Variants in PABPN1L observed in about 807,000 individuals in gnomAD.
The protein encoded by PABPN1L is PABPN1 like, cytoplasmic, also known as embryonic polyadenylate-binding protein 2.
Under a neutral mutation model 34.0 loss-of-function variants are expected in PABPN1L, and 45 were observed. The observed-to-expected ratio is 1.32, with a 90% CI of 1.04 to 1.70. The LOEUF (loss-of-function observed/expected upper bound fraction) is 1.70. Among genes scored for constraint, PABPN1L ranks in the 40% most tolerant of loss-of-function variants. PABPN1L has a pLI of 0.00. For synonymous variants in PABPN1L, 182 were observed against 152.1 expected (o/e 1.20, Z -1.45); for missense variants, 459 against 367.8 (o/e 1.25, Z -2.03).
At chr16:88,868,071 G>A (rs1330164566), upstream of PABPN1L, among the ~76,000 whole-genome samples, 1 of 152,192 alleles carries the variant, frequency 6.6e-6, no homozygotes, top group Non-Finnish European at 1.5e-5. Flanking sequence ...CACCCACGCA[G>A]GGCGGCCCTT....
At chr16:88,863,717 T>C (rs1307291339) in exon 7 of PABPN1L, 3 of 1,534,812 alleles carry the variant, frequency 2.0e-6, no homozygotes, top group Non-Finnish European at 1.7e-6. Context: ...TTACTCCTGA[T>C]CCAGGCCCCA....
At chr16:88,864,470 G>A in intron 5 of PABPN1L, 91 bp from the exon 6 acceptor site, 1 of 1,454,846 alleles carries the variant, frequency 6.9e-7, no homozygotes, top group African/African-American at 1.4e-5. Flanking sequence ...GGAGCATGGG[G>A]TCCTGCCCGG....
rs1258093313 is a variant in PABPN1L at position 88,865,708 on chromosome 16, A to C, written c.392-78T>G. 3.2e-6 allele frequency: 5 copies of C among 1,555,284 alleles called. No individual in the cohort carries two copies. In the Admixed American group the frequency reaches 9.2e-5, roughly 29 times the overall value. On this transcript the variant is annotated intron_variant, in intron 2 of 6. Coordinates refer to ENST00000419291, the Ensembl canonical transcript of PABPN1L. ...CTCACGGGGAAGGTCGCCCAGGCTT[A>C]TAGGGGAGGTGACACCTTGGAGCCT...
exon 4 of PABPN1L, chr16:88,865,030 G>A: frequency 6.3e-7 from 1 of 1,599,882 alleles, no homozygotes; most frequent in Non-Finnish European, 8.5e-7. Flanking sequence ...ACCCCTTGGG[G>A]TGTCCAGAGA....
At chr16:88,866,079 G>T in intron 1 of PABPN1L, 138 bp from the exon 2 acceptor site, 1 of 1,366,202 alleles carries the variant, frequency 7.3e-7, no homozygotes, top group Non-Finnish European at 9.7e-7. Flanking sequence ...ACTCCTTCCT[G>T]GGGCAGCTGG....
In PABPN1L at chr16:88,866,333, G is replaced by A. The variant is rs951188453; in HGVS notation, c.255+19C>T. ...CCCCAGGTCCCCTGAGATCCCCAGG[G>A]CCTCCACACAGCTGTTACCTGGTCA... On this transcript the variant is annotated intron_variant, in intron 1 of 6. Transcript: ENST00000419291. 1.3e-6 allele frequency: 2 copies of A among 1,544,820 alleles called. No individual in the cohort carries two copies. The highest frequency in any genetic ancestry group is 1.7e-6 in the Non-Finnish European group (2 of 1,145,196).
intron 5 of PABPN1L, 112 bp downstream of exon 5, chr16:88,864,741 T>C: frequency 8.2e-7 from 1 of 1,212,272 alleles, no homozygotes; most frequent in Non-Finnish European, 1.2e-6. Context: ...CCAAGCACCG[T>C]GCCTGAGACA....
intron 5 of PABPN1L, 133 bp from the exon 6 acceptor site, chr16:88,864,512 C>T: frequency 1.5e-6 from 2 of 1,301,750 alleles, no homozygotes; most frequent in Non-Finnish European, 2.1e-6. Flanking sequence ...ACAGGGTTCC[C>T]TGCCTTTGCC....
chr16:88,865,375 C>T (rs965952233), intron 3 of PABPN1L, among the ~76,000 whole-genome samples, 188 bp downstream of exon 3: 2 of 151,900 alleles, frequency 1.3e-5, no homozygotes, highest in Middle Eastern at 3.4e-3. Context: ...TGTGCAACCC[C>T]GAATTCCAGC....
intron 5 of PABPN1L, 45 bp downstream of exon 5, chr16:88,864,808 G>C (rs746415583): frequency 1.3e-6 from 2 of 1,533,400 alleles, no homozygotes; most frequent in East Asian, 2.4e-5. Context: ...CAGTGGGCCA[G>C]CCCCTCTGCG....
intron 6 of PABPN1L, 40 bp downstream of exon 6, chr16:88,864,197 G>A (rs1968523697): frequency 1.3e-6 from 2 of 1,528,492 alleles, no homozygotes; most frequent in Middle Eastern, 2.1e-4. Flanking sequence ...CCTCCACCAT[G>A]GCCCTCGCCC....
Position 88,865,553 on chromosome 16 carries a change from C to T in PABPN1L, c.459+10G>A. 2 of 1,610,648 alleles carry T rather than the reference C, an allele frequency of 1.2e-6. No individual in the cohort carries two copies. The highest frequency in any genetic ancestry group is 8.5e-7 in the Non-Finnish European group (1 of 1,179,084). On this transcript the variant is annotated intron_variant, in intron 3 of 6. Coordinates refer to ENST00000419291, the Ensembl canonical transcript of PABPN1L. Reference sequence around the variant, plus strand: ...TCGCTGCCTGCCCCTTCACCCCGCCCACCACTCACGTTGCCCACGTAGACG... The same window carrying T: ...TCGCTGCCTGCCCCTTCACCCCGCCTACCACTCACGTTGCCCACGTAGACG...
chr16:88,863,492 A>G, exon 7 of PABPN1L: 3 of 574,498 alleles, frequency 5.2e-6, no homozygotes, highest in Non-Finnish European at 6.3e-6. Context: ...CTCAACACCC[A>G]GAGCCCCGCA....
chr16:88,863,405 A>C, exon 7 of PABPN1L: 1 of 428,776 alleles, frequency 2.3e-6, no homozygotes, highest in South Asian at 2.8e-5. Flanking sequence ...ATTTTTCTTA[A>C]AATGACTTAG....
At chr16:88,867,748 C>T (rs2143021103), upstream of PABPN1L, among the ~76,000 whole-genome samples, 1 of 152,304 alleles carries the variant, frequency 6.6e-6, no homozygotes, top group African/African-American at 2.4e-5. Flanking sequence ...CCGTGTCCGC[C>T]CTTGCGCCTC....
chr16:88,863,721 G>A, exon 7 of PABPN1L: 3 of 1,535,328 alleles, frequency 2.0e-6, no homozygotes, highest in Non-Finnish European at 2.6e-6. Flanking sequence ...TCCTGATCCA[G>A]GCCCCAGCCC....
At chr16:88,865,685 C>T (rs1968574847) in intron 2 of PABPN1L, 55 bp from the exon 3 acceptor site, 4 of 1,562,462 alleles carry the variant, frequency 2.6e-6, no homozygotes, top group African/African-American at 1.4e-5. Context: ...TCACTCCTCT[C>T]ACGGGGAAGG....
chr16:88,865,506 T>C (rs889753), intron 3 of PABPN1L, 57 bp downstream of exon 3: 645,545 of 1,570,580 alleles, frequency 0.41, 137,291 homozygotes, highest in African/African-American at 0.68. Context: ...CGCCAGACCC[T>C]CTGGTAGAGA....
At chr16:88,867,497 C>T (rs1394067015), upstream of PABPN1L, among the ~76,000 whole-genome samples, 1 of 152,210 alleles carries the variant, frequency 6.6e-6, no homozygotes, top group Admixed American at 6.5e-5. Flanking sequence ...TCCCGAAGTG[C>T]TGGGATTACA....
Sources: allele counts gnomAD v4.1 joint callset (sites outside exome capture counted in the v4.1 genomes callset), GRCh38; gene constraint gnomAD v4.1.1; transcripts MANE v1.5; gene names NCBI Gene and HGNC (gene_info 2026-07-23, HGNC 2026-07-21).